Variants in CFHR4 observed in about 807,000 individuals in gnomAD.
CFHR4 encodes the protein complement factor H related 4, also known as complement factor H-related protein 4.
A neutral mutation model predicts 69.3 loss-of-function variants in CFHR4; 64 were observed. That is an observed-to-expected ratio of 0.92 (90% CI 0.76 to 1.14). CFHR4 has a LOEUF of 1.14. Among genes scored for constraint, CFHR4 ranks in the 50% most tolerant of loss-of-function variants. CFHR4 has a pLI of 0.00. For missense variants in CFHR4, 636 were observed against 684.9 expected (o/e 0.93, Z 0.80); for synonymous variants, 244 against 237.0 (o/e 1.03, Z -0.27).
chr1:196,914,646 G>C lies in CFHR4; in HGVS notation c.1332G>C (p.Gly444=), dbSNP rs769806412. ...TTGSIVCGED[G]WSHFPTCYNS... ...GTTCCATAGTGTGTGGTGAAGATGG[G>C]TGGTCCCATTTCCCAACATGTTATA... Residue 444 remains glycine (G), a synonymous_variant, in exon 8 of 10, where the codon GGG becomes GGC. Transcript: ENST00000608469. 8.1e-6 allele frequency: 13 copies of C among 1,604,404 alleles called. No homozygotes were observed. In the African/African-American group the frequency reaches 9.5e-5, roughly 12 times the overall value.
At chr1:196,905,315 C>A in intron 3 of CFHR4, 25 bp downstream of exon 3, 1 of 1,608,608 alleles carries the variant, frequency 6.2e-7, no homozygotes, top group African/African-American at 1.3e-5. Context: ...TATTCCCACT[C>A]AGTTTCTGTC....
At chr1:196,900,927 G>T (rs867879650) in intron 1 of CFHR4, among the ~76,000 whole-genome samples, 1 of 151,290 alleles carries the variant, frequency 6.6e-6, no homozygotes, top group African/African-American at 2.4e-5. Context: ...TTGTTCCCAG[G>T]TCTTTGTTAA....
chr1:196,912,490 C>A (rs1301168660), intron 6 of CFHR4, among the ~76,000 whole-genome samples: 1 of 151,264 alleles, frequency 6.6e-6, no homozygotes, highest in African/African-American at 2.4e-5. Context: ...TAAGGCCCGC[C>A]AGAGCTCTGT....
At chr1:196,906,532 T>A (rs1657915308) in intron 3 of CFHR4, among the ~76,000 whole-genome samples, 1 of 151,602 alleles carries the variant, frequency 6.6e-6, no homozygotes. Flanking sequence ...AATTTTATCT[T>A]CTTTAAAATA....
At chr1:196,902,330 G>T (rs1457746412) in intron 1 of CFHR4, 88 bp from the exon 2 acceptor site, 1 of 942,652 alleles carries the variant, frequency 1.1e-6, no homozygotes. Flanking sequence ...ACTAAGAAGA[G>T]AATATAATTT....
chr1:196,890,957 T>C lies in CFHR4; in HGVS notation c.58+2749T>C, dbSNP rs147498819. On this transcript the variant is annotated intron_variant, in intron 1 of 9. Coordinates refer to ENST00000608469, the MANE Select transcript of CFHR4 (RefSeq NM_001201550.3). ...TCACTTCAGGTTCGAAAATGTCGTT[T>C]ATTAAGAAAAAGAATTTTTGGCCAG... Among the ~76,000 whole-genome samples, 520 of 151,610 alleles carry C rather than the reference T, an allele frequency of 3.4e-3. 19 individuals are homozygous for C. Among genetic ancestry groups the C allele is most frequent in the African/African-American group, 0.012 (484 of 41,172 alleles).
intron 3 of CFHR4, among the ~76,000 whole-genome samples, chr1:196,905,516 A>T (rs1235559391): frequency 2.0e-5 from 3 of 151,558 alleles, no homozygotes; most frequent in South Asian, 4.1e-4. Context: ...ATTTGCCTTT[A>T]CGTAAAAGCA....
chr1:196,901,017 T>A (rs1197834400), intron 1 of CFHR4, among the ~76,000 whole-genome samples: 1 of 151,412 alleles, frequency 6.6e-6, no homozygotes, highest in Non-Finnish European at 1.5e-5. Flanking sequence ...ATTTTTCTAA[T>A]CAAACAAAAA....
At chr1:196,894,269 G>C (rs1457817638) in intron 1 of CFHR4, among the ~76,000 whole-genome samples, 1 of 151,426 alleles carries the variant, frequency 6.6e-6, no homozygotes, top group Non-Finnish European at 1.5e-5. Context: ...AAAGCTTTTA[G>C]GTTAATAATT....
At chr1:196,911,012 T>C (rs904059749) in intron 6 of CFHR4, among the ~76,000 whole-genome samples, 1 of 151,364 alleles carries the variant, frequency 6.6e-6, no homozygotes, top group Non-Finnish European at 1.5e-5. Flanking sequence ...CTGGCTACAG[T>C]CTTTCAAATG....
chr1:196,895,003 T>C (rs968922131), intron 1 of CFHR4, among the ~76,000 whole-genome samples: 6 of 151,396 alleles, frequency 4.0e-5, no homozygotes, highest in Non-Finnish European at 5.9e-5. Flanking sequence ...GAGGCTACAG[T>C]AAGGTGTGAT....
At position 196,907,459 on chromosome 1, in the gene CFHR4, T is replaced by C. The variant is rs1473478975; in HGVS notation, c.760T>C (p.Cys254Arg). Reference protein sequence around the residue: ...YELQGSKYVTCSNGDWSEPPR... With the variant: ...YELQGSKYVTRSNGDWSEPPR... ...ACTTCAGGGTTCTAAATATGTAACA[T>C]GTAGTAATGGAGACTGGTCAGAACC... The change falls in exon 5 of 10, where the codon TGT becomes CGT. Residue 254 changes from cysteine to arginine, a missense_variant. Physicochemically the swap from Cys to Arg is radical, Grantham distance 180. Transcript: ENST00000608469. 1.9e-6 allele frequency: 3 copies of C among 1,612,146 alleles called. No individual in the cohort carries two copies. The highest frequency in any genetic ancestry group is 2.5e-6 in the Non-Finnish European group (3 of 1,179,118).
chr1:196,897,159 G>A lies in CFHR4; in HGVS notation c.59-5259G>A, dbSNP rs1216732660. ...CTTTGTCTTTCAATCAAGATGAAATGGGGGAGTTCCCTGATTCCCCTCGCA... is the reference window on the plus strand; with the variant it reads ...CTTTGTCTTTCAATCAAGATGAAATAGGGGAGTTCCCTGATTCCCCTCGCA... On this transcript the variant is annotated intron_variant, in intron 1 of 9. Coordinates refer to ENST00000608469, the MANE Select transcript of CFHR4 (RefSeq NM_001201550.3). 3.3e-5 allele frequency among the ~76,000 whole-genome samples: 5 copies of A among 151,558 alleles called. 1 individual carries two copies. Among genetic ancestry groups the A allele is most frequent in the African/African-American group, 7.3e-5 (3 of 41,080 alleles).
intron 1 of CFHR4, among the ~76,000 whole-genome samples, chr1:196,893,672 T>C (rs1657144773): frequency 6.6e-6 from 1 of 151,576 alleles, no homozygotes. Flanking sequence ...AGAAAGAGGT[T>C]AATGAACACA....
At chr1:196,912,347 GGGAAA>G (rs1658320530) in intron 6 of CFHR4, among the ~76,000 whole-genome samples, 1 of 151,292 alleles carries the variant, frequency 6.6e-6, no homozygotes, top group African/African-American at 2.4e-5. Flanking sequence ...ATCTTTGCCT[GGGAAA>G]TGGCATTTGA....
chr1:196,907,745 G>A (rs1183889743), intron 5 of CFHR4, among the ~76,000 whole-genome samples: 3 of 151,410 alleles, frequency 2.0e-5, no homozygotes, highest in African/African-American at 7.3e-5. Flanking sequence ...TGGACACAAT[G>A]AGTCTTCAAG....
chr1:196,916,741 TG>T (rs1305189339), intron 9 of CFHR4, among the ~76,000 whole-genome samples: 1 of 151,440 alleles, frequency 6.6e-6, no homozygotes, highest in Non-Finnish European at 1.5e-5. Context: ...ACTCCTAAGA[TG>T]GGTTTCACAG....
chr1:196,901,330 T>C (rs1190939563), intron 1 of CFHR4, among the ~76,000 whole-genome samples: 1 of 151,020 alleles, frequency 6.6e-6, no homozygotes, highest in Non-Finnish European at 1.5e-5. Context: ...GAGAAGTTAC[T>C]CACGTATCTT....
chr1:196,897,405 A>G (rs574494666), intron 1 of CFHR4, among the ~76,000 whole-genome samples: 2 of 151,618 alleles, frequency 1.3e-5, no homozygotes, highest in East Asian at 1.9e-4. Context: ...AATCCGCTCA[A>G]TGGACCCTCT....
Sources: gnomAD v4.1 joint callset for allele counts (sites outside exome capture counted in the v4.1 genomes callset) on GRCh38, gnomAD v4.1.1 for gene constraint, MANE v1.5 for transcripts, NCBI Gene and HGNC (gene_info 2026-07-23, HGNC 2026-07-21) for gene names.